BRWD1: variants seen among roughly 807,000 people sequenced by gnomAD.
The protein encoded by BRWD1 is bromodomain and WD repeat-containing protein 1.
A neutral mutation model predicts 251.2 loss-of-function variants in BRWD1; 82 were observed. That is an observed-to-expected ratio of 0.33 (90% CI 0.27 to 0.39). The LOEUF (loss-of-function observed/expected upper bound fraction) is 0.39, where lower values mean the gene tolerates loss of function less well. BRWD1 is among the 10% of genes least tolerant of loss of function. The pLI, the probability that BRWD1 is intolerant of heterozygous loss-of-function variation, is 1.00. For synonymous variants in BRWD1, 918 were observed against 902.8 expected (o/e 1.02, Z -0.30); for missense variants, 2,233 against 2,711.6 (o/e 0.82, Z 3.92).
rs904011147 is a variant in BRWD1 at position 39,248,658 on chromosome 21, A to C, written c.2350-826T>G. Among the ~76,000 whole-genome samples, 464 of 94,310 alleles carry C rather than the reference A, an allele frequency of 4.9e-3. 46 individuals carry two copies. Among genetic ancestry groups the C allele is most frequent in the Middle Eastern group, 9.7e-3 (2 of 206 alleles). The allele number at this position is 94,310 out of a possible 152,430, so 61.9% of individuals were successfully genotyped here. A position where few individuals can be genotyped will look rare whatever the true frequency, so the allele number is the denominator to read the frequency against. Reference sequence around the variant, plus strand: ...CTATCTCCCAAAAAAAAAAAAAAAAAAAAAAAAAAAAAAAAAAAAAAAACA... The same window carrying C: ...CTATCTCCCAAAAAAAAAAAAAAAACAAAAAAAAAAAAAAAAAAAAAAACA... On this transcript the variant is annotated intron_variant, in intron 20 of 40. Coordinates refer to ENST00000342449, the MANE Select transcript of BRWD1 (RefSeq NM_033656.4).
chr21:39,258,101 C>G (rs12627205), intron 18 of BRWD1, among the ~76,000 whole-genome samples: 1 of 151,918 alleles, frequency 6.6e-6, no homozygotes, highest in Non-Finnish European at 1.5e-5. Context: ...TGAAAACTCA[C>G]TAAGTTTTCA....
chr21:39,265,095 A>G, intron 15 of BRWD1, 76 bp from the exon 16 acceptor site: 2 of 1,439,880 alleles, frequency 1.4e-6, no homozygotes, highest in Non-Finnish European at 1.9e-6. Context: ...TTTAATGTGG[A>G]TAACCTGTGA....
intron 31 of BRWD1, chr21:39,217,070 TATATATATATATA>T (rs2032967191): frequency 1.2e-3 from 12 of 10,408 alleles, no homozygotes; most frequent in Non-Finnish European, 1.7e-3. Context: ...TATATATATA[TATATATATATATA>T]TTTTTTTTTT....
chr21:39,230,666 A>G (rs962554842), intron 25 of BRWD1, among the ~76,000 whole-genome samples: 2 of 152,186 alleles, frequency 1.3e-5, no homozygotes, highest in African/African-American at 4.8e-5. Flanking sequence ...GCCTTCTAGC[A>G]CTTAAGAACA....
chr21:39,258,417 C>G, intron 18 of BRWD1, 70 bp downstream of exon 18: 6 of 1,307,218 alleles, frequency 4.6e-6, no homozygotes, highest in South Asian at 1.8e-5. Flanking sequence ...ATGTACCTGA[C>G]AAAGACTTCG....
chr21:39,189,302 G>C lies in BRWD1; in HGVS notation c.*6957C>G. Reference sequence around the variant, plus strand: ...AACAACCTATTCATCCAGACAAATAGATAAAATTCTATTTCAACTACAATT... The same window carrying C: ...AACAACCTATTCATCCAGACAAATACATAAAATTCTATTTCAACTACAATT... On this transcript the variant is annotated 3_prime_UTR_variant, in exon 41 of 41. Transcript: ENST00000342449. The C allele has an allele frequency of 1.0e-6, 1 of 984,968 alleles. No homozygotes were observed. Among genetic ancestry groups the C allele is most frequent in the Non-Finnish European group, 1.2e-6 (1 of 829,578 alleles). The allele number at this position is 984,968 out of a possible 1,614,324, so 61.0% of individuals were successfully genotyped here. A position where few individuals can be genotyped will look rare whatever the true frequency, so the allele number is the denominator to read the frequency against.
intron 17 of BRWD1, among the ~76,000 whole-genome samples, chr21:39,261,416 G>A (rs1431770141): frequency 6.6e-6 from 1 of 152,058 alleles, no homozygotes; most frequent in African/African-American, 2.4e-5. Flanking sequence ...TTAATACCTA[G>A]AATAGTAAAA....
chr21:39,196,212 T>G lies in BRWD1; in HGVS notation c.*47A>C. Reference sequence around the variant, plus strand: ...TAATTTTAACAGCCAGCTTTCACCATAAATGCCAGTCCATTTCCTCTTAAA... The same window carrying G: ...TAATTTTAACAGCCAGCTTTCACCAGAAATGCCAGTCCATTTCCTCTTAAA... On this transcript the variant is annotated 3_prime_UTR_variant, in exon 41 of 41. Transcript: ENST00000342449. 2 of 1,504,468 alleles carry G rather than the reference T, an allele frequency of 1.3e-6. No homozygotes were observed. Among genetic ancestry groups the G allele is most frequent in the Non-Finnish European group, 8.8e-7 (1 of 1,131,228 alleles). The allele number at this position is 1,504,468 out of a possible 1,614,324, so 93.2% of individuals were successfully genotyped here. A position where few individuals can be genotyped will look rare whatever the true frequency, so the allele number is the denominator to read the frequency against.
intron 27 of BRWD1, among the ~76,000 whole-genome samples, 168 bp downstream of exon 27, chr21:39,228,332 T>A (rs1240567556): frequency 6.6e-6 from 1 of 152,046 alleles, no homozygotes; most frequent in Non-Finnish European, 1.5e-5. Flanking sequence ...GTCTGCATAA[T>A]CAGTAAGTAC....
intron 4 of BRWD1, among the ~76,000 whole-genome samples, chr21:39,302,042 G>GC (rs2036136002): frequency 7.5e-6 from 1 of 133,252 alleles, no homozygotes; most frequent in African/African-American, 2.8e-5. Flanking sequence ...GAGTGTAGTG[G>GC]CCCCAATGCT....
At chr21:39,207,806 T>C (rs115712909) in intron 36 of BRWD1, among the ~76,000 whole-genome samples, 2,322 of 152,320 alleles carry the variant, frequency 0.015, 58 homozygotes, top group African/African-American at 0.053. Context: ...CACTTTAATA[T>C]TATTCAGCCA....
rs2031333169 is a variant in BRWD1 at position 39,187,857 on chromosome 21, T to C, written c.*8402A>G. ...AGGAACCAAAAAGTGCAGAGTGCTA[T>C]GAGAACACAGACTGGAAACCTAACC... is the stretch of plus-strand genomic sequence containing the variant. On this transcript the variant is annotated 3_prime_UTR_variant, in exon 41 of 41. Transcript: ENST00000342449. The C allele has an allele frequency of 3.0e-6, 3 of 984,320 alleles. No homozygotes were observed. The highest frequency in any genetic ancestry group is 3.6e-6 in the Non-Finnish European group (3 of 829,090). 61.0% of individuals were successfully genotyped at this position (984,320 alleles called of 1,614,324 possible).
At position 39,200,256 on chromosome 21, in the gene BRWD1, G is replaced by A; in HGVS notation, c.4716C>T (p.Leu1572=). The A allele has an allele frequency of 1.2e-6, 2 of 1,613,884 alleles. No homozygotes were observed. The highest frequency in any genetic ancestry group is 1.1e-5 in the South Asian group (1 of 91,030). Residue 1572 remains leucine (L), a synonymous_variant, in exon 39 of 41, where the codon CTC becomes CTT. Coordinates refer to ENST00000342449, the MANE Select transcript of BRWD1 (RefSeq NM_033656.4). The part of the protein sequence containing the change: ...SRSGLSRSSN[L]RVTRTRAAQR... The stretch of plus-strand genomic sequence containing the variant: ...GAGCAGCTCTAGTTCTGGTTACCCT[G>A]AGATTGCTGCTTCTGGATAGCCCAC...
intron 22 of BRWD1, among the ~76,000 whole-genome samples, chr21:39,238,248 A>T (rs144034212): frequency 6.7e-6 from 1 of 148,944 alleles, no homozygotes; most frequent in East Asian, 2.0e-4. Context: ...TATTTTCAGT[A>T]TGCATGTTCA....
At chr21:39,309,525 T>G (rs746580959) in intron 4 of BRWD1, among the ~76,000 whole-genome samples, 1 of 151,718 alleles carries the variant, frequency 6.6e-6, no homozygotes, top group African/African-American at 2.4e-5. Context: ...AAACTAATTG[T>G]AAAAAGACAC....
chr21:39,306,210 C>T (rs2036282754), intron 4 of BRWD1, among the ~76,000 whole-genome samples: 6 of 151,790 alleles, frequency 4.0e-5, no homozygotes, highest in Admixed American at 3.9e-4. Flanking sequence ...GCTGGGACTA[C>T]AGGCGCCCGC....
At chr21:39,233,711 G>A (rs1211845563) in intron 23 of BRWD1, among the ~76,000 whole-genome samples, 1 of 152,194 alleles carries the variant, frequency 6.6e-6, no homozygotes, top group East Asian at 1.9e-4. Context: ...CAGTGGAGAT[G>A]GAGAAGTGTT....
At chr21:39,314,308 C>T (rs539653530), upstream of BRWD1, 280 of 455,994 alleles carry the variant, frequency 6.1e-4, 1 homozygote, top group Non-Finnish European at 1.1e-3. Context: ...CCCCACAAGC[C>T]AGCAGCCCGG....
chr21:39,287,493 ATT>A (rs939816963), intron 8 of BRWD1, among the ~76,000 whole-genome samples: 1 of 151,918 alleles, frequency 6.6e-6, no homozygotes, highest in Non-Finnish European at 1.5e-5. Flanking sequence ...GTCAATTCAG[ATT>A]TTCTTTTTGT....
Sources: allele counts gnomAD v4.1 joint callset (sites outside exome capture counted in the v4.1 genomes callset), GRCh38; gene constraint gnomAD v4.1.1; transcripts MANE v1.5; gene names NCBI Gene and HGNC (gene_info 2026-07-23, HGNC 2026-07-21).